Variants in ZMYM2 observed in about 807,000 individuals in gnomAD.
ZMYM2 encodes the protein zinc finger MYM-type containing 2, also known as zinc finger MYM-type protein 2.
ZMYM2 carries 56 observed loss-of-function variants against 162.8 expected under a neutral mutation model. The ratio of observed to expected loss-of-function variants is 0.34; its 90% CI spans 0.28 to 0.43. ZMYM2 has a LOEUF of 0.43. Among genes scored for constraint, ZMYM2 ranks in the 20% least tolerant of loss-of-function variants. ZMYM2 has a pLI of 1.00. For synonymous variants in ZMYM2, 510 were observed against 541.6 expected, an observed-to-expected ratio of 0.94 and a Z score of 0.81; for missense variants, 1,275 against 1,621.8, an observed-to-expected ratio of 0.79 and a Z score of 3.67.
the ZMYM2 span, among the ~76,000 whole-genome samples, chr13:19,929,872 A>G: frequency 6.6e-6 from 1 of 152,158 alleles, no homozygotes; most frequent in Non-Finnish European, 1.5e-5. Flanking sequence ...TATTTTATGT[A>G]TTTCAATTTC....
intron 6 of ZMYM2, among the ~76,000 whole-genome samples, chr13:20,010,207 T>C (rs79624085): frequency 6.6e-6 from 1 of 152,182 alleles, no homozygotes; most frequent in African/African-American, 2.4e-5. Flanking sequence ...TTGTTTTTTT[T>C]ATTTTTGAGA....
chr13:19,946,224 A>G, the ZMYM2 span, among the ~76,000 whole-genome samples: 1 of 152,230 alleles, frequency 6.6e-6, no homozygotes, highest in East Asian at 1.9e-4. Flanking sequence ...TTAACATTAC[A>G]TTGTGTCATT....
chr13:20,058,716 CA>C lies in ZMYM2; in HGVS notation c.2623+14del. On this transcript the variant is annotated intron_variant, in intron 15 of 24. Coordinates refer to ENST00000610343, the MANE Select transcript of ZMYM2 (RefSeq NM_197968.4). ...ATCTTGTCAGACAGGTAACTTAGGA[CA>C]ATGTGACTTACATACTTCCCCATAC... is the stretch of plus-strand genomic sequence containing the variant. 6.2e-7 allele frequency: 1 copy of C among 1,612,456 alleles called. No homozygotes were observed. The highest frequency in any genetic ancestry group is 8.5e-7 in the Non-Finnish European group (1 of 1,179,222).
chr13:19,904,100 T>C, the ZMYM2 span, among the ~76,000 whole-genome samples: 4 of 152,226 alleles, frequency 2.6e-5, no homozygotes, highest in Admixed American at 1.3e-4. Context: ...GATCCATACA[T>C]TGAGGCCTAA....
chr13:20,003,074 A>G lies in ZMYM2; in HGVS notation c.1072A>G (p.Thr358Ala), dbSNP rs754360031. ...ATCAGCTCACCTCTTTTGTTCTACC[A>G]CCTGCCTTTCTTCCTTCTCCCACAA... ...KGSAHLFCSTTCLSSFSHKPA... is the reference protein window; with the variant it reads ...KGSAHLFCSTACLSSFSHKPA... The change falls in exon 4 of 25, where the codon ACC becomes GCC. Residue 358 changes from threonine to alanine, a missense_variant. Thr to Ala is a moderately conservative substitution (Grantham distance 58, BLOSUM62 0). Transcript: ENST00000610343. 14 of 1,614,026 alleles carry G rather than the reference A, an allele frequency of 8.7e-6. No individual in the cohort carries two copies. The Admixed American group carries it at 2.0e-4, about 23-fold the overall frequency.
At chr13:20,008,849 A>G (rs1200666259) in intron 6 of ZMYM2, among the ~76,000 whole-genome samples, 1 of 152,216 alleles carries the variant, frequency 6.6e-6, no homozygotes. Flanking sequence ...AAATAAATGA[A>G]TTAAATAGTC....
the ZMYM2 span, among the ~76,000 whole-genome samples, chr13:19,915,234 T>TA: frequency 6.6e-6 from 1 of 152,006 alleles, no homozygotes. Flanking sequence ...GTGCTGGGAT[T>TA]ACAGGCATGA....
intron 7 of ZMYM2, among the ~76,000 whole-genome samples, chr13:20,023,169 G>C (rs1340652375): frequency 6.6e-6 from 1 of 152,180 alleles, no homozygotes; most frequent in African/African-American, 2.4e-5. Context: ...CAGAGTGAAA[G>C]AGAATGTTAA....
At chr13:19,946,607 G>T in the ZMYM2 span, among the ~76,000 whole-genome samples, 9 of 152,216 alleles carry the variant, frequency 5.9e-5, no homozygotes, top group East Asian at 1.5e-3. Flanking sequence ...TTGGCTGTCT[G>T]GTCTAGTAGA....
At chr13:19,914,333 A>G in the ZMYM2 span, among the ~76,000 whole-genome samples, 2 of 152,350 alleles carry the variant, frequency 1.3e-5, no homozygotes, top group South Asian at 2.1e-4. Context: ...TTCTTTCTCA[A>G]GCTACTGCTG....
At chr13:19,877,280 A>G in the ZMYM2 span, among the ~76,000 whole-genome samples, 1 of 152,084 alleles carries the variant, frequency 6.6e-6, no homozygotes, top group East Asian at 1.9e-4. Flanking sequence ...TTGAAGGGGC[A>G]TGGTGCCTGC....
At chr13:19,980,886 T>C (rs1176165741) in intron 2 of ZMYM2, among the ~76,000 whole-genome samples, 3 of 152,112 alleles carry the variant, frequency 2.0e-5, no homozygotes, top group African/African-American at 4.8e-5. Flanking sequence ...GCAGATAATT[T>C]AGGGAAAATT....
rs991714514 is a variant in ZMYM2, at chr13:19,974,936, A to T, written c.-11+14910A>T. 2.0e-5 allele frequency among the ~76,000 whole-genome samples: 3 copies of T among 152,154 alleles called. 1 individual carries two copies. Among genetic ancestry groups the T allele is most frequent in the Non-Finnish European group, 1.5e-5 (1 of 68,026 alleles). On this transcript the variant is annotated intron_variant, in intron 2 of 24. Transcript: ENST00000610343. Reference sequence around the variant, plus strand: ...GTTAAGACTTGGTGGGCCTTTGTTAATATAAGAGAAAATTGGTGGCCTTTC... The same window carrying T: ...GTTAAGACTTGGTGGGCCTTTGTTATTATAAGAGAAAATTGGTGGCCTTTC...
the ZMYM2 span, among the ~76,000 whole-genome samples, chr13:19,923,763 C>T: frequency 1.4e-5 from 2 of 145,580 alleles, no homozygotes; most frequent in Admixed American, 7.2e-5. Flanking sequence ...CTCTGCCTCC[C>T]GGGTTTAAGC....
At chr13:19,937,434 G>A in the ZMYM2 span, among the ~76,000 whole-genome samples, 14 of 148,712 alleles carry the variant, frequency 9.4e-5, no homozygotes, top group African/African-American at 2.9e-4. Context: ...CACTGCGCCC[G>A]GCCTACCGGC....
chr13:19,865,979 C>G, the ZMYM2 span, among the ~76,000 whole-genome samples: 1 of 126,724 alleles, frequency 7.9e-6, no homozygotes, highest in South Asian at 3.0e-4. Flanking sequence ...GTGTGATCAT[C>G]TTAACAGATA....
At chr13:19,979,242 A>C (rs149130626) in intron 2 of ZMYM2, among the ~76,000 whole-genome samples, 1 of 152,176 alleles carries the variant, frequency 6.6e-6, no homozygotes, top group African/African-American at 2.4e-5. Flanking sequence ...CTTTGAGTTT[A>C]TCCTGCTTTT....
At position 20,083,784 on chromosome 13, in the gene ZMYM2, TTAA is replaced by T. The variant is rs1566481455; in HGVS notation, c.3941+10_3941+12del. ...ATGCTACTTGTCTAAAAGGTGAGTGTTAATGATACTTAACTTTTAAAAATGTTG... is the reference window on the plus strand; with the variant it reads ...ATGCTACTTGTCTAAAAGGTGAGTGTTGATACTTAACTTTTAAAAATGTTG... On this transcript the variant is annotated intron_variant, in intron 24 of 24. Coordinates refer to ENST00000610343, the MANE Select transcript of ZMYM2 (RefSeq NM_197968.4). 1 of 1,597,134 alleles carries T rather than the reference TTAA, an allele frequency of 6.3e-7. No individual in the cohort carries two copies. The highest frequency in any genetic ancestry group is 8.5e-7 in the Non-Finnish European group (1 of 1,171,888).
chr13:20,060,999 A>T (rs1956186638), intron 16 of ZMYM2, 54 bp from the exon 17 acceptor site: 1 of 1,525,640 alleles, frequency 6.6e-7, no homozygotes, highest in African/African-American at 1.4e-5. Context: ...TTTAATTTGG[A>T]AAAATACCTT....
Sources: gnomAD v4.1 joint callset for allele counts (sites outside exome capture counted in the v4.1 genomes callset) on GRCh38, gnomAD v4.1.1 for gene constraint, MANE v1.5 for transcripts, NCBI Gene and HGNC (gene_info 2026-07-23, HGNC 2026-07-21) for gene names.